DNPEP: variants seen among roughly 807,000 people sequenced by gnomAD.
DNPEP encodes aspartyl aminopeptidase.
In DNPEP, 46 loss-of-function variants were observed where a neutral mutation model predicts 59.1. The ratio of observed to expected loss-of-function variants is 0.78; its 90% CI spans 0.61 to 0.99. The LOEUF is 0.99. DNPEP is among the 50% of genes least tolerant of loss of function. The probability of loss-of-function intolerance (pLI) is 0.00; values close to 1 mark genes in which losing one functional copy is unlikely to be tolerated. For synonymous variants in DNPEP, 229 were observed against 242.2 expected (o/e 0.95, Z 0.50); for missense variants, 617 against 649.9 (o/e 0.95, Z 0.55).
At chr2:219,392,949 G>A (rs1213560477), upstream of DNPEP, among the ~76,000 whole-genome samples, 1 of 152,074 alleles carries the variant, frequency 6.6e-6, no homozygotes, top group Non-Finnish European at 1.5e-5. Flanking sequence ...CTAGATTTGC[G>A]GACTTGCCTG....
Position 219,375,011 on chromosome 2 carries a change from G to C in DNPEP, c.1251C>G (p.Val417=). The change falls in exon 14 of 15, where the codon GTC becomes GTG. Residue 417 remains valine, a synonymous_variant. Coordinates refer to ENST00000273075, the MANE Select transcript of DNPEP (RefSeq NM_012100.4). ...KVKVPLQDLM[V]RNDTPCGTTI... ...TGGTTCCACAGGGGGTGTCATTCCGGACCATGAGATCCTAGGGAGAGCAGG... is the reference window on the plus strand; with the variant it reads ...TGGTTCCACAGGGGGTGTCATTCCGCACCATGAGATCCTAGGGAGAGCAGG... 6.2e-7 allele frequency: 1 copy of C among 1,614,094 alleles called. No individual in the cohort carries two copies. The highest frequency in any genetic ancestry group is 8.5e-7 in the Non-Finnish European group (1 of 1,180,022).
At chr2:219,398,649 CAAAA>C (rs533381181) in intron 1 of DNPEP, among the ~76,000 whole-genome samples, 1 of 135,860 alleles carries the variant, frequency 7.4e-6, no homozygotes, top group Non-Finnish European at 1.6e-5. Flanking sequence ...GACTCCATCT[CAAAA>C]AAAAAAAAAG....
chr2:219,398,575 A>G (rs111403872), intron 1 of DNPEP, among the ~76,000 whole-genome samples: 1,931 of 152,234 alleles, frequency 0.013, 40 homozygotes, highest in African/African-American at 0.043. Flanking sequence ...GCTTGAACCC[A>G]GGAGATGGAG....
In DNPEP at chr2:219,386,296, A is replaced by G. The variant is rs759270049; in HGVS notation, c.449T>C (p.Val150Ala). The change falls in exon 5 of 15, where the codon GTC (valine) becomes GCC (alanine). Residue 150 changes from valine to alanine, a missense_variant. Coordinates refer to ENST00000273075, the MANE Select transcript of DNPEP (RefSeq NM_012100.4). Reference sequence around the variant, plus strand: ...AACCTCGGTTCCCACCTTGACAATGACGCGTCCAGCCAGAGTCAGGTCACG... The same window carrying G: ...AACCTCGGTTCCCACCTTGACAATGGCGCGTCCAGCCAGAGTCAGGTCACG... Reference protein sequence around the residue: ...FDRDLTLAGRVIVKCPTSGRL... With the variant: ...FDRDLTLAGRAIVKCPTSGRL... 7.4e-6 allele frequency: 12 copies of G among 1,613,994 alleles called. No homozygotes were observed. In the African/African-American group the frequency reaches 1.5e-4, roughly 20 times the overall value.
At chr2:219,377,305 A>AAAG (rs1953414915) in intron 13 of DNPEP, among the ~76,000 whole-genome samples, 4 of 148,428 alleles carry the variant, frequency 2.7e-5, no homozygotes, top group Non-Finnish European at 4.5e-5. Flanking sequence ...AAAAAAAAAA[A>AAAG]GTTTAACTTG....
intron 1 of DNPEP, 180 bp from the exon 2 acceptor site, chr2:219,387,343 G>A (rs1953892136): frequency 3.5e-6 from 5 of 1,443,296 alleles, no homozygotes; most frequent in Non-Finnish European, 4.6e-6. Flanking sequence ...GAAAGCTTCA[G>A]CCCGCCGGCC....
chr2:219,381,753 A>G (rs746133989), intron 11 of DNPEP, 169 bp from the exon 12 acceptor site: 64 of 909,272 alleles, frequency 7.0e-5, no homozygotes, highest in Admixed American at 2.1e-4. Context: ...CTAGCAATAG[A>G]TGGAAACAAG....
chr2:219,374,974 T>G lies in DNPEP; in HGVS notation c.1288A>C (p.Ile430Leu), dbSNP rs1179323823. ...DTPCGTTIGP[I>L]LASRLGLRVL... ...CGCAGCCCCAGCCGAGAAGCCAAGATAGGTCCAATGGTGGTTCCACAGGGG... is the reference window on the plus strand; with the variant it reads ...CGCAGCCCCAGCCGAGAAGCCAAGAGAGGTCCAATGGTGGTTCCACAGGGG... Residue 430 changes from isoleucine to leucine, a missense_variant, in exon 14 of 15, where the codon ATC becomes CTC. Physicochemically the swap from Ile to Leu is conservative, Grantham distance 5. Transcript: ENST00000273075. The G allele has an allele frequency of 6.2e-7, 1 of 1,614,074 alleles. No individual in the cohort carries two copies. The highest frequency in any genetic ancestry group is 1.7e-5 in the Admixed American group (1 of 60,000).
intron 1 of DNPEP, among the ~76,000 whole-genome samples, chr2:219,395,048 T>G (rs1481336202): frequency 6.6e-6 from 1 of 151,908 alleles, no homozygotes; most frequent in Non-Finnish European, 1.5e-5. Flanking sequence ...CTCCACCTCC[T>G]GTGTTCAAGT....
In DNPEP at chr2:219,383,996, G is replaced by A. The variant is rs533120062; in HGVS notation, c.852+370C>T. ...GGCTGGGGTCTTAAGCCTGGGGAGT[G>A]GCGTAGGAAGCAGAAGGAGGTGGAT... On this transcript the variant is annotated intron_variant, in intron 9 of 14. Coordinates refer to ENST00000273075, the MANE Select transcript of DNPEP (RefSeq NM_012100.4). 2.0e-5 allele frequency among the ~76,000 whole-genome samples: 3 copies of A among 152,290 alleles called. No homozygotes were observed. In the East Asian group the frequency reaches 5.8e-4, roughly 29 times the overall value.
Position 219,381,351 on chromosome 2 carries a change from A to G in DNPEP, c.1223T>C (p.Val408Ala). Reference sequence around the variant, plus strand: ...CACCCTCACCTGCAGGGGGACCTTGACTTTGTTGGCCACCTCTCGGATCAG... The same window carrying G: ...CACCCTCACCTGCAGGGGGACCTTGGCTTTGTTGGCCACCTCTCGGATCAG... ...EALIREVANK[V>A]KVPLQDLMVR... Residue 408 changes from valine to alanine, a missense_variant, in exon 13 of 15, where the codon GTC becomes GCC. Coordinates refer to ENST00000273075, the MANE Select transcript of DNPEP (RefSeq NM_012100.4). 1.2e-6 allele frequency: 2 copies of G among 1,613,986 alleles called. No individual in the cohort carries two copies. The highest frequency in any genetic ancestry group is 1.7e-6 in the Non-Finnish European group (2 of 1,180,024).
At position 219,382,143 on chromosome 2, in the gene DNPEP, G is replaced by A; in HGVS notation, c.937-4C>T. 1 of 1,608,116 alleles carries A rather than the reference G, an allele frequency of 6.2e-7. No individual in the cohort carries two copies. The highest frequency in any genetic ancestry group is 8.5e-7 in the Non-Finnish European group (1 of 1,179,866). ...CCTGTGCACTCTCAGACCCCACCTG[G>A]CGACAGTAGAGTCCTGACTCTGGGA... On this transcript the variant is annotated splice_region_variant and splice_polypyrimidine_tract_variant and intron_variant, in intron 10 of 14. Transcript: ENST00000273075.
Position 219,374,962 on chromosome 2 carries a change from G to A in DNPEP, c.1300C>T (p.Arg434Trp), listed in dbSNP as rs1205145716. The A allele has an allele frequency of 8.1e-6, 13 of 1,614,026 alleles. No individual in the cohort carries two copies. The highest frequency in any genetic ancestry group is 4.5e-5 in the East Asian group (2 of 44,894). ...AAATCCAGCACCCGCAGCCCCAGCC[G>A]AGAAGCCAAGATAGGTCCAATGGTG... ...GTTIGPILAS[R>W]LGLRVLDLGS... Residue 434 changes from arginine (R) to tryptophan (W), a missense_variant, in exon 14 of 15, where the codon CGG becomes TGG. Arg to Trp is a moderately radical substitution (Grantham distance 101). Coordinates refer to ENST00000273075, the MANE Select transcript of DNPEP (RefSeq NM_012100.4).
chr2:219,398,315 C>T (rs912586115), intron 1 of DNPEP, among the ~76,000 whole-genome samples: 44 of 152,182 alleles, frequency 2.9e-4, no homozygotes, highest in African/African-American at 1.0e-3. Context: ...GTAGTAGGTT[C>T]TCAATGAATG....
At chr2:219,392,812 G>A (rs1183462101), upstream of DNPEP, among the ~76,000 whole-genome samples, 1 of 152,104 alleles carries the variant, frequency 6.6e-6, no homozygotes, top group Non-Finnish European at 1.5e-5. Context: ...GTCCAGCCTA[G>A]AACTACAAAC....
Position 219,376,011 on chromosome 2 carries a change from T to A in DNPEP, c.1240-989A>T, listed in dbSNP as rs1433870083. 3.3e-5 allele frequency among the ~76,000 whole-genome samples: 5 copies of A among 151,862 alleles called. No homozygotes were observed. The East Asian group carries it at 9.6e-4, about 29-fold the overall frequency. On this transcript the variant is annotated intron_variant, in intron 13 of 14. Coordinates refer to ENST00000273075, the MANE Select transcript of DNPEP (RefSeq NM_012100.4). Reference sequence around the variant, plus strand: ...AAACTACCAAGTCTGGGGGGCGAAATGAACAAGACATGTCTACAATTTTTG... The same window carrying A: ...AAACTACCAAGTCTGGGGGGCGAAAAGAACAAGACATGTCTACAATTTTTG...
At chr2:219,385,272 C>A in intron 8 of DNPEP, 152 bp downstream of exon 8, 1 of 598,616 alleles carries the variant, frequency 1.7e-6, no homozygotes, top group Non-Finnish European at 3.0e-6. Context: ...AACCACCGCC[C>A]TAGAAGCAGT....
Position 219,386,927 on chromosome 2 carries a change from CCTTG to C in DNPEP, c.180_183del (p.Lys61ArgfsTer15). 1.2e-6 allele frequency: 2 copies of C among 1,610,582 alleles called. No homozygotes were observed. The highest frequency in any genetic ancestry group is 1.7e-6 in the Non-Finnish European group (2 of 1,178,006). Reference sequence around the variant, plus strand: ...GGCTTAATATTCCATTTCTCAGTCTCCTTGAGTTCACTGAAGCCAGCCTGGAGAA... The same window carrying C: ...GGCTTAATATTCCATTTCTCAGTCTCAGTTCACTGAAGCCAGCCTGGAGAA... On this transcript the variant is annotated frameshift_variant, in exon 3 of 15. Coordinates refer to ENST00000273075, the MANE Select transcript of DNPEP (RefSeq NM_012100.4). LOFTEE classifies it high-confidence loss of function.
chr2:219,378,335 G>A (rs530834292), intron 13 of DNPEP, among the ~76,000 whole-genome samples: 28 of 152,092 alleles, frequency 1.8e-4, no homozygotes, highest in African/African-American at 6.5e-4. Context: ...CCTAAAAGAC[G>A]AGCTCATTCC....
Sources: allele counts gnomAD v4.1 joint callset (sites outside exome capture counted in the v4.1 genomes callset), GRCh38; gene constraint gnomAD v4.1.1; transcripts MANE v1.5; gene names NCBI Gene and HGNC (gene_info 2026-07-23, HGNC 2026-07-21).